Variants in DNAH14 observed in about 807,000 individuals in gnomAD.
The protein encoded by DNAH14 is axonemal beta dynein heavy chain 14.
A neutral mutation model predicts 520.9 loss-of-function variants in DNAH14; 478 were observed. The ratio of observed to expected loss-of-function variants is 0.92; its 90% CI spans 0.85 to 0.99. The LOEUF (loss-of-function observed/expected upper bound fraction) is 0.99. Ranked by LOEUF, DNAH14 falls within the 50% of genes least tolerant of loss-of-function variation. The probability of loss-of-function intolerance (pLI) is 0.00; values close to 1 mark genes in which losing one functional copy is unlikely to be tolerated. For missense variants in DNAH14, 4,831 were observed against 5,234.5 expected, an observed-to-expected ratio of 0.92 and a Z score of 2.38; for synonymous variants, 1,581 against 1,757.2, an observed-to-expected ratio of 0.90 and a Z score of 2.51.
At chr1:225,081,588 A>G (rs2073129398) in intron 19 of DNAH14, among the ~76,000 whole-genome samples, 1 of 152,194 alleles carries the variant, frequency 6.6e-6, no homozygotes, top group Non-Finnish European at 1.5e-5. Flanking sequence ...AGACTGGCAA[A>G]AACTAAAGTT....
chr1:225,228,021 AT>A (rs2090715610), intron 41 of DNAH14, among the ~76,000 whole-genome samples: 1 of 152,114 alleles, frequency 6.6e-6, no homozygotes, highest in Non-Finnish European at 1.5e-5. Flanking sequence ...TAAGGAGAAA[AT>A]CTGAGGCATT....
In DNAH14 at chr1:225,367,829, T is replaced by C. The variant is rs147045964; in HGVS notation, c.12115T>C (p.Leu4039=). The C allele has an allele frequency of 1.3e-4, 198 of 1,551,378 alleles. No individual in the cohort carries two copies. In the African/African-American group the frequency reaches 2.3e-3, roughly 18 times the overall value. ...LKIAVESPQG[L]KSNLLQTFGC... ...GATTGCCGTGGAATCTCCCCAGGGA[T>C]TGAAAAGTAACTTACTTCAGACATT... is the stretch of plus-strand genomic sequence containing the variant. The change falls in exon 77 of 86, where the codon TTG becomes CTG. Residue 4039 remains leucine, a synonymous_variant. Transcript: ENST00000682510.
At chr1:225,113,790 G>C (rs533930054) in intron 23 of DNAH14, among the ~76,000 whole-genome samples, 2 of 152,234 alleles carry the variant, frequency 1.3e-5, no homozygotes, top group African/African-American at 4.8e-5. Flanking sequence ...GTACTGCCGG[G>C]GTACCGCTGA....
At chr1:225,016,742 T>C (rs183428512) in intron 10 of DNAH14, among the ~76,000 whole-genome samples, 1 of 152,078 alleles carries the variant, frequency 6.6e-6, no homozygotes, top group African/African-American at 2.4e-5. Flanking sequence ...TTTCTTTTTC[T>C]TTTCTTTTTT....
intron 17 of DNAH14, among the ~76,000 whole-genome samples, chr1:225,069,161 AG>A (rs1284084402): frequency 6.6e-6 from 1 of 152,178 alleles, no homozygotes; most frequent in Non-Finnish European, 1.5e-5. Flanking sequence ...ATCTGCAAAC[AG>A]GGATACTTTG....
chr1:225,021,799 T>C (rs1170617389), intron 10 of DNAH14, among the ~76,000 whole-genome samples: 5 of 151,796 alleles, frequency 3.3e-5, no homozygotes, highest in Non-Finnish European at 7.4e-5. Context: ...AAAATTTGTG[T>C]TGAACCAAAG....
intron 1 of DNAH14, among the ~76,000 whole-genome samples, chr1:224,951,037 A>AT (rs1210063114): frequency 1.3e-5 from 2 of 151,656 alleles, no homozygotes; most frequent in Non-Finnish European, 2.9e-5. Flanking sequence ...TTTTTATTTT[A>AT]TTTTTTGAGA....
chr1:225,061,069 G>A lies in DNAH14; in HGVS notation c.2424+9274G>A, dbSNP rs144417875. ...AGACAGGGACATTTAAGTCTGCAGA[G>A]GATTCTGCTGCCTTTTGTTTTGGCT... On this transcript the variant is annotated intron_variant, in intron 17 of 85. Coordinates refer to ENST00000682510, the MANE Select transcript of DNAH14 (RefSeq NM_001367479.1). 3.2e-4 allele frequency among the ~76,000 whole-genome samples: 48 copies of A among 152,274 alleles called. No homozygotes were observed. The East Asian group carries it at 9.3e-3, about 29-fold the overall frequency.
chr1:224,967,759 T>G (rs748151884), intron 6 of DNAH14, 176 bp downstream of exon 6: 1 of 1,517,732 alleles, frequency 6.6e-7, no homozygotes, highest in East Asian at 2.4e-5. Flanking sequence ...AGTTTTTCCT[T>G]TTGTGTAGAG....
intron 10 of DNAH14, among the ~76,000 whole-genome samples, chr1:225,016,641 T>C (rs1387566797): frequency 6.6e-6 from 1 of 152,196 alleles, no homozygotes; most frequent in African/African-American, 2.4e-5. Flanking sequence ...ATTTTTCTTG[T>C]TTTTCTCTTC....
intron 38 of DNAH14, 69 bp from the exon 39 acceptor site, chr1:225,204,114 C>T: frequency 1.3e-6 from 1 of 776,638 alleles, no homozygotes; most frequent in Non-Finnish European, 1.9e-6. Flanking sequence ...AGCATATTGA[C>T]ATATAATCCA....
At chr1:225,128,226 T>C (rs1559044346) in intron 27 of DNAH14, among the ~76,000 whole-genome samples, 1 of 152,066 alleles carries the variant, frequency 6.6e-6, no homozygotes, top group African/African-American at 2.4e-5. Flanking sequence ...TGGTGTTCTC[T>C]GTGTTTCCTG....
intron 17 of DNAH14, among the ~76,000 whole-genome samples, chr1:225,063,208 G>C (rs1356478108): frequency 2.6e-5 from 4 of 152,030 alleles, no homozygotes; most frequent in African/African-American, 9.7e-5. Flanking sequence ...ATTTGTTTCA[G>C]GGCTCCAAGG....
chr1:224,983,384 C>T (rs778352680), intron 8 of DNAH14, among the ~76,000 whole-genome samples: 4 of 152,054 alleles, frequency 2.6e-5, no homozygotes, highest in Admixed American at 6.6e-5. Flanking sequence ...TCAGCAAAAT[C>T]GGCATACAGG....
intron 64 of DNAH14, among the ~76,000 whole-genome samples, chr1:225,330,932 C>A (rs190055181): frequency 3.2e-4 from 49 of 152,072 alleles, no homozygotes; most frequent in African/African-American, 1.2e-3. Context: ...TATATATATA[C>A]CTACTGTGTA....
intron 81 of DNAH14, 76 bp from the exon 82 acceptor site, chr1:225,388,303 A>G: frequency 1.3e-6 from 1 of 795,288 alleles, no homozygotes; most frequent in Non-Finnish European, 2.0e-6. Context: ...GTCTATTACC[A>G]AGGTTTGCAG....
At chr1:225,337,063 C>A (rs964541039) in intron 66 of DNAH14, among the ~76,000 whole-genome samples, 18 of 152,106 alleles carry the variant, frequency 1.2e-4, no homozygotes, top group African/African-American at 4.1e-4. Flanking sequence ...TATTGTTGAA[C>A]ACAAAAGTGT....
In DNAH14 at chr1:225,117,884, C is replaced by T. The variant is rs1480005807; in HGVS notation, c.3976C>T (p.His1326Tyr). The change falls in exon 25 of 86, where the codon CAT becomes TAT. Residue 1326 changes from histidine to tyrosine, a missense_variant. Physicochemically the swap from His to Tyr is moderately conservative, Grantham distance 83 (BLOSUM62 2). Transcript: ENST00000682510. ...GACATTTGTTTCTGGTTCACAGCCT[C>T]ATCTTGTGAAATGCTTTGAAAATAT... is the stretch of plus-strand genomic sequence containing the variant. ...DSRNPESVQPHLVKCFENIKQ... is the reference protein window; with the variant it reads ...DSRNPESVQPYLVKCFENIKQ... 1.9e-6 allele frequency: 3 copies of T among 1,540,526 alleles called. No homozygotes were observed. The highest frequency in any genetic ancestry group is 2.6e-6 in the Non-Finnish European group (3 of 1,137,250).
Position 225,012,066 on chromosome 1 carries a change from CA to C in DNAH14, c.1107+4523del, listed in dbSNP as rs199789541. On this transcript the variant is annotated intron_variant, in intron 10 of 85. Transcript: ENST00000682510. The stretch of plus-strand genomic sequence containing the variant: ...AGTATCAATGGTCTTTACAATTTGG[CA>C]TGTTTTTGCAGTGGCTGGTACCGGT... 6.7e-3 allele frequency among the ~76,000 whole-genome samples: 1,015 copies of C among 152,128 alleles called. 7 individuals are homozygous for C. The highest frequency in any genetic ancestry group is 0.023 in the African/African-American group (943 of 41,490).
Sources: allele counts gnomAD v4.1 joint callset (sites outside exome capture counted in the v4.1 genomes callset), GRCh38; gene constraint gnomAD v4.1.1; transcripts MANE v1.5; gene names NCBI Gene and HGNC (gene_info 2026-07-23, HGNC 2026-07-21).